The following CFAP61 variants were observed in gnomAD, a reference collection of about 807,000 sequenced individuals.
The protein encoded by CFAP61 is cilia and flagella associated protein 61.
Under a neutral mutation model 135.6 loss-of-function variants are expected in CFAP61, and 107 were observed. That is an observed-to-expected ratio of 0.79 (90% CI 0.67 to 0.93). The LOEUF (loss-of-function observed/expected upper bound fraction) is 0.93, where lower values mean the gene tolerates loss of function less well. CFAP61 is among the 40% of genes least tolerant of loss of function. The pLI is 0.00. For synonymous variants in CFAP61, 575 were observed against 578.5 expected, an observed-to-expected ratio of 0.99 and a Z score of 0.09; for missense variants, 1,507 against 1,556.2, an observed-to-expected ratio of 0.97 and a Z score of 0.53.
chr20:20,296,305 TCCTTCCTTCCCTCCTTCCTTC>T (rs2055537069), intron 24 of CFAP61, among the ~76,000 whole-genome samples: 1 of 77,964 alleles, frequency 1.3e-5, no homozygotes, highest in Admixed American at 1.5e-4. Context: ...TTCCCTTCCT[TCCTTCCTTCCCTCCTTCCTTC>T]CCTTCCTTCC....
intron 8 of CFAP61, among the ~76,000 whole-genome samples, chr20:20,132,593 G>A (rs2050624438): frequency 6.6e-6 from 1 of 151,948 alleles, no homozygotes; most frequent in African/African-American, 2.4e-5. Flanking sequence ...TTCATGAGAG[G>A]TGTGTTAAAA....
chr20:20,217,575 C>T (rs2146929363), intron 17 of CFAP61, among the ~76,000 whole-genome samples: 1 of 152,316 alleles, frequency 6.6e-6, no homozygotes, highest in East Asian at 1.9e-4. Context: ...AGTTTTCTGC[C>T]ACTGCTATCG....
At chr20:20,247,742 T>G (rs1341969247) in intron 19 of CFAP61, among the ~76,000 whole-genome samples, 1 of 152,148 alleles carries the variant, frequency 6.6e-6, no homozygotes, top group Non-Finnish European at 1.5e-5. Context: ...TTGCCCTTTT[T>G]CTCCCCATTT....
chr20:20,164,302 T>C lies in CFAP61; in HGVS notation c.1205+74T>C, dbSNP rs951774163. On this transcript the variant is annotated intron_variant, in intron 11 of 26. Coordinates refer to ENST00000245957, the MANE Select transcript of CFAP61 (RefSeq NM_015585.4). Reference sequence around the variant, plus strand: ...CATTGGTGGCCCAACATTTTAACTTTACAGAGCCAGTAATTTCCAAACCTG... The same window carrying C: ...CATTGGTGGCCCAACATTTTAACTTCACAGAGCCAGTAATTTCCAAACCTG... 5.5e-6 allele frequency: 8 copies of C among 1,444,236 alleles called. No individual in the cohort carries two copies. In the East Asian group the frequency reaches 9.3e-5, roughly 17 times the overall value. 89.5% of individuals were successfully genotyped at this position (1,444,236 alleles called of 1,614,324 possible).
At chr20:20,310,515 C>G (rs2056757341) in intron 25 of CFAP61, among the ~76,000 whole-genome samples, 1 of 152,200 alleles carries the variant, frequency 6.6e-6, no homozygotes, top group Non-Finnish European at 1.5e-5. Flanking sequence ...AGCTAAGGTT[C>G]CACTGCAGAC....
chr20:20,199,681 GTTT>G, intron 16 of CFAP61, 84 bp from the exon 17 acceptor site: 1 of 1,462,004 alleles, frequency 6.8e-7, no homozygotes, highest in Non-Finnish European at 9.3e-7. Context: ...CGAGTTAAGA[GTTT>G]TGTATTTGTA....
chr20:20,090,457 C>T (rs1223523906), intron 6 of CFAP61, among the ~76,000 whole-genome samples: 1 of 151,948 alleles, frequency 6.6e-6, no homozygotes, highest in Non-Finnish European at 1.5e-5. Context: ...TCTGGGAGGC[C>T]GAGGCAGGCA....
intron 25 of CFAP61, among the ~76,000 whole-genome samples, chr20:20,336,834 G>T (rs1475225480): frequency 6.6e-6 from 1 of 152,098 alleles, no homozygotes; most frequent in African/African-American, 2.4e-5. Flanking sequence ...CACCTCCCCA[G>T]CGTGCACCCC....
chr20:20,130,017 C>T (rs1011727920), intron 8 of CFAP61, among the ~76,000 whole-genome samples: 10 of 151,720 alleles, frequency 6.6e-5, no homozygotes, highest in Middle Eastern at 3.4e-3. Flanking sequence ...TAGCCGGGCG[C>T]GATGGCTTAC....
intron 17 of CFAP61, 99 bp from the exon 18 acceptor site, chr20:20,228,150 A>G (rs914327956): frequency 1.9e-6 from 2 of 1,032,346 alleles, no homozygotes; most frequent in Non-Finnish European, 2.8e-6. Flanking sequence ...TTTGGTGGTA[A>G]TGTCCTGGTT....
At chr20:20,052,623 C>G (rs771448769) in intron 1 of CFAP61, 32 bp downstream of exon 1, 4 of 1,613,568 alleles carry the variant, frequency 2.5e-6, no homozygotes, top group Non-Finnish European at 3.4e-6. Flanking sequence ...AGCAGCGACG[C>G]AAGGACTGCG....
chr20:20,052,795 A>C, intron 1 of CFAP61: 1 of 1,427,454 alleles, frequency 7.0e-7, no homozygotes, highest in Non-Finnish European at 9.4e-7. Flanking sequence ...CGAGGAAACT[A>C]CCATTCCCAG....
At chr20:20,173,015 TCA>T (rs1349693078) in intron 13 of CFAP61, among the ~76,000 whole-genome samples, 5 of 152,200 alleles carry the variant, frequency 3.3e-5, no homozygotes, top group Non-Finnish European at 7.3e-5. Context: ...TTACAGAATG[TCA>T]CAAAGTTGGA....
chr20:20,075,315 G>A (rs1345060794), intron 5 of CFAP61, 59 bp downstream of exon 5: 2 of 1,565,888 alleles, frequency 1.3e-6, no homozygotes, highest in African/African-American at 2.7e-5. Flanking sequence ...TTCACTCCCA[G>A]AATGGTGCTT....
rs2058152974 is a variant in CFAP61 at position 20,335,501 on chromosome 20, G to A, written c.3423-6330G>A. ...ATTGGCCAATAAGATATAAATGGAA[G>A]TGCTTTGTGAAACTTCCAGGAACTC... On this transcript the variant is annotated intron_variant, in intron 25 of 26. Transcript: ENST00000245957. Among the ~76,000 whole-genome samples, 6 of 152,210 alleles carry A rather than the reference G, an allele frequency of 3.9e-5. No individual in the cohort carries two copies. In the South Asian group the frequency reaches 1.2e-3, roughly 32 times the overall value.
chr20:20,151,037 A>G (rs980795808), intron 9 of CFAP61, among the ~76,000 whole-genome samples: 6 of 152,292 alleles, frequency 3.9e-5, no homozygotes, highest in Middle Eastern at 3.4e-3. Context: ...CTCCCCAGCA[A>G]TGGATCCAAA....
chr20:20,315,614 T>C (rs1222247895), intron 25 of CFAP61, among the ~76,000 whole-genome samples: 5 of 151,744 alleles, frequency 3.3e-5, no homozygotes, highest in Non-Finnish European at 5.9e-5. Flanking sequence ...TCCTTGCCCA[T>C]GCCTATGTCC....
chr20:20,256,000 T>C (rs1444127787), intron 20 of CFAP61, among the ~76,000 whole-genome samples: 2 of 152,178 alleles, frequency 1.3e-5, no homozygotes, highest in South Asian at 2.1e-4. Context: ...TCTGATGCCC[T>C]GGGGTTGCCA....
At chr20:20,192,561 C>T (rs1004766949) in intron 15 of CFAP61, among the ~76,000 whole-genome samples, 3 of 152,196 alleles carry the variant, frequency 2.0e-5, no homozygotes, top group Non-Finnish European at 2.9e-5. Flanking sequence ...AGCCCTCCTC[C>T]CGCGCCACCC....
Sources: gnomAD v4.1 joint callset for allele counts (sites outside exome capture counted in the v4.1 genomes callset) on GRCh38, gnomAD v4.1.1 for gene constraint, MANE v1.5 for transcripts, NCBI Gene and HGNC (gene_info 2026-07-23, HGNC 2026-07-21) for gene names.